RBMS1: variants seen among roughly 807,000 people sequenced by gnomAD.
RBMS1 encodes RNA-binding motif, single-stranded-interacting protein 1.
In RBMS1, 17 loss-of-function variants were observed where a neutral mutation model predicts 62.3. The observed-to-expected ratio is 0.27, with a 90% CI of 0.19 to 0.41. The LOEUF (loss-of-function observed/expected upper bound fraction) is 0.41. Ranked by LOEUF, RBMS1 falls within the 10% of genes least tolerant of loss-of-function variation. The pLI is 1.00. For missense variants in RBMS1, 334 were observed against 504.5 expected (o/e 0.66, Z 3.24); for synonymous variants, 172 against 170.0 (o/e 1.01, Z -0.09).
chr2:160,305,889 C>T (rs1689478804), intron 4 of RBMS1, among the ~76,000 whole-genome samples: 1 of 151,900 alleles, frequency 6.6e-6, no homozygotes, highest in Non-Finnish European at 1.5e-5. Flanking sequence ...ACTTGCAATC[C>T]CAGTATAGGC....
In RBMS1 at chr2:160,493,693, G is replaced by A. The variant is rs1685973096; in HGVS notation, c.-330C>T. ...GCCCGACTGCTCCGGGGCTGCCAAG[G>A]GCTGGCGCGCTGGCCGCGGTCCGCT... On this transcript the variant is annotated 5_prime_UTR_variant, in exon 1 of 14. Transcript: ENST00000348849. The A allele has an allele frequency of 5.0e-6, 2 of 402,652 alleles. No individual in the cohort carries two copies. The highest frequency in any genetic ancestry group is 9.1e-6 in the Non-Finnish European group (2 of 219,810). The allele number at this position is 402,652 out of a possible 1,614,324, so 24.9% of individuals were successfully genotyped here.
intron 6 of RBMS1, among the ~76,000 whole-genome samples, chr2:160,293,018 G>A (rs1688760830): frequency 6.6e-6 from 1 of 152,172 alleles, no homozygotes; most frequent in Non-Finnish European, 1.5e-5. Flanking sequence ...AGCTCATGAT[G>A]CTGTGTGAGT....
chr2:160,298,141 G>A (rs1183187232), intron 6 of RBMS1, among the ~76,000 whole-genome samples: 4 of 152,164 alleles, frequency 2.6e-5, no homozygotes, highest in Admixed American at 2.6e-4. Context: ...GAAATAATCA[G>A]AAAGAAAAAT....
chr2:160,348,435 G>A (rs1692305877), intron 2 of RBMS1, among the ~76,000 whole-genome samples: 2 of 151,968 alleles, frequency 1.3e-5, no homozygotes, highest in South Asian at 4.1e-4. Context: ...GTTTTAGAAA[G>A]GACTTAGGGT....
At chr2:160,369,243 TTTCTCCAAACCACTAG>T (rs1693593048) in intron 1 of RBMS1, among the ~76,000 whole-genome samples, 1 of 152,188 alleles carries the variant, frequency 6.6e-6, no homozygotes, top group Non-Finnish European at 1.5e-5. Context: ...ACTCATATCC[TTTCTCCAAACCACTAG>T]TTTTTCTCTA....
rs80120792 is a variant in RBMS1 at position 160,412,761 on chromosome 2, C to T, written c.76-45370G>A. On this transcript the variant is annotated intron_variant, in intron 1 of 13. Transcript: ENST00000348849. ...GTATAAATGTTTTGTTAGAAGGATA[C>T]TCAGAAAGAAGCATTGTGCAGATGA... Among the ~76,000 whole-genome samples, 75 of 152,264 alleles carry T rather than the reference C, an allele frequency of 4.9e-4. No individual in the cohort carries two copies. In the East Asian group the frequency reaches 0.011, roughly 23 times the overall value.
intron 2 of RBMS1, among the ~76,000 whole-genome samples, chr2:160,347,181 A>C (rs1350237241): frequency 6.6e-6 from 1 of 151,976 alleles, no homozygotes; most frequent in African/African-American, 2.4e-5. Context: ...CTTTTTTTTC[A>C]CTAAGGGCCG....
At position 160,318,886 on chromosome 2, in the gene RBMS1, A is replaced by G. The variant is rs1460950619; in HGVS notation, c.252-659T>C. 3.3e-5 allele frequency among the ~76,000 whole-genome samples: 5 copies of G among 152,256 alleles called. No individual in the cohort carries two copies. In the East Asian group the frequency reaches 9.6e-4, roughly 29 times the overall value. On this transcript the variant is annotated intron_variant, in intron 2 of 13. Coordinates refer to ENST00000348849, the MANE Select transcript of RBMS1 (RefSeq NM_016836.4). Reference sequence around the variant, plus strand: ...GTAAACTCACTTTGTGTGCATGCACATGTGTCTAAGAAACGGACAATCAAG... The same window carrying G: ...GTAAACTCACTTTGTGTGCATGCACGTGTGTCTAAGAAACGGACAATCAAG...
At chr2:160,284,703 A>G in intron 9 of RBMS1, 72 bp downstream of exon 9, 1 of 1,193,078 alleles carries the variant, frequency 8.4e-7, no homozygotes, top group East Asian at 2.3e-5. Flanking sequence ...AAATTTTAAG[A>G]CACATAAAAA....
intron 2 of RBMS1, among the ~76,000 whole-genome samples, chr2:160,356,494 G>A (rs1012500476): frequency 1.3e-5 from 2 of 152,098 alleles, no homozygotes; most frequent in Admixed American, 1.3e-4. Context: ...TAGCATTCAG[G>A]GTACACTTGG....
Position 160,274,693 on chromosome 2 carries a change from C to T in RBMS1, c.*79G>A, listed in dbSNP as rs764272964. The T allele has an allele frequency of 4.6e-5, 7 of 152,470 alleles. No individual in the cohort carries two copies. The highest frequency in any genetic ancestry group is 8.8e-5 in the Non-Finnish European group (6 of 67,988). The allele number at this position is 152,470 out of a possible 1,614,324, so 9.4% of individuals were successfully genotyped here. A position where few individuals can be genotyped will look rare whatever the true frequency, so the allele number is the denominator to read the frequency against. On this transcript the variant is annotated 3_prime_UTR_variant, in exon 14 of 14. Coordinates refer to ENST00000348849, the MANE Select transcript of RBMS1 (RefSeq NM_016836.4). ...AAACTGTCAATAATTTCCTAAAGCA[C>T]AATTGATCAGAAAAATCCATGATTG...
intron 1 of RBMS1, among the ~76,000 whole-genome samples, chr2:160,435,230 A>G (rs1443622981): frequency 6.6e-6 from 1 of 152,248 alleles, no homozygotes; most frequent in Admixed American, 6.5e-5. Context: ...TGGGGGACAT[A>G]TAAATATTTA....
Position 160,372,520 on chromosome 2 carries a change from T to G in RBMS1, c.76-5129A>C, listed in dbSNP as rs1413980104. ...AAACAGTATAAGATCAAGCCTGAAATGAACTGAGTACTATGTGAAGACAAT... is the reference window on the plus strand; with the variant it reads ...AAACAGTATAAGATCAAGCCTGAAAGGAACTGAGTACTATGTGAAGACAAT... On this transcript the variant is annotated intron_variant, in intron 1 of 13. Coordinates refer to ENST00000348849, the MANE Select transcript of RBMS1 (RefSeq NM_016836.4). Among the ~76,000 whole-genome samples, 3 of 152,246 alleles carry G rather than the reference T, an allele frequency of 2.0e-5. No individual in the cohort carries two copies. In the South Asian group the frequency reaches 6.2e-4, roughly 31 times the overall value.
At chr2:160,349,830 G>A (rs184588259) in intron 2 of RBMS1, among the ~76,000 whole-genome samples, 2 of 150,266 alleles carry the variant, frequency 1.3e-5, no homozygotes, top group Admixed American at 6.6e-5. Flanking sequence ...AAAGCGGGGT[G>A]GGGGGGTGGA....
intron 4 of RBMS1, among the ~76,000 whole-genome samples, chr2:160,312,577 T>C (rs921859666): frequency 2.0e-5 from 3 of 152,144 alleles, no homozygotes; most frequent in African/African-American, 4.8e-5. Flanking sequence ...AAAGTCATTA[T>C]AGAACTACTA....
intron 6 of RBMS1, among the ~76,000 whole-genome samples, chr2:160,297,029 G>A (rs1401295681): frequency 6.6e-6 from 1 of 152,166 alleles, no homozygotes; most frequent in East Asian, 1.9e-4. Context: ...CCAACACTAA[G>A]TGAAACCTCA....
intron 3 of RBMS1, among the ~76,000 whole-genome samples, chr2:160,317,610 C>A (rs757476349): frequency 3.9e-5 from 6 of 152,060 alleles, no homozygotes; most frequent in Non-Finnish European, 7.4e-5. Flanking sequence ...TTCAAAGGGG[C>A]GCATGACCTC....
intron 4 of RBMS1, among the ~76,000 whole-genome samples, chr2:160,310,021 A>G (rs894379519): frequency 1.3e-5 from 2 of 152,176 alleles, no homozygotes; most frequent in Non-Finnish European, 2.9e-5. Flanking sequence ...TTAACATCAT[A>G]ATCTGTTCCT....
At chr2:160,317,508 C>T (rs557506995) in intron 3 of RBMS1, among the ~76,000 whole-genome samples, 3 of 152,242 alleles carry the variant, frequency 2.0e-5, no homozygotes, top group South Asian at 2.1e-4. Flanking sequence ...CTACTGTAGA[C>T]GCCTCCTCTT....
Sources: gnomAD v4.1 joint callset for allele counts (sites outside exome capture counted in the v4.1 genomes callset) on GRCh38, gnomAD v4.1.1 for gene constraint, MANE v1.5 for transcripts, NCBI Gene and HGNC (gene_info 2026-07-23, HGNC 2026-07-21) for gene names.